Variants in BCAS1 observed in about 807,000 individuals in gnomAD.
BCAS1 encodes breast carcinoma-amplified sequence 1.
A neutral mutation model predicts 65.4 loss-of-function variants in BCAS1; 46 were observed. That is an observed-to-expected ratio of 0.70 (90% CI 0.55 to 0.90). BCAS1 has a LOEUF of 0.90. Among genes scored for constraint, BCAS1 ranks in the 40% least tolerant of loss-of-function variants. The pLI is 0.00. For synonymous variants in BCAS1, 298 were observed against 293.5 expected (o/e 1.02, Z -0.16); for missense variants, 793 against 771.2 (o/e 1.03, Z -0.33).
chr20:54,009,789 T>C (rs1370011668), intron 4 of BCAS1, among the ~76,000 whole-genome samples: 1 of 152,172 alleles, frequency 6.6e-6, no homozygotes, highest in Non-Finnish European at 1.5e-5. Flanking sequence ...AATACCCTAC[T>C]GATCAATATG....
At chr20:53,976,713 A>AT (rs999187850) in intron 8 of BCAS1, among the ~76,000 whole-genome samples, 2 of 152,160 alleles carry the variant, frequency 1.3e-5, no homozygotes, top group Admixed American at 6.5e-5. Context: ...TCAGAAACAC[A>AT]TTTTTTCGGC....
intron 6 of BCAS1, among the ~76,000 whole-genome samples, chr20:53,994,801 TTTTAA>T (rs1330906697): frequency 6.6e-6 from 1 of 152,108 alleles, no homozygotes; most frequent in Non-Finnish European, 1.5e-5. Context: ...TCCAGTAAAA[TTTTAA>T]TTTAACTACT....
At chr20:53,989,451 C>T (rs1027180098) in intron 7 of BCAS1, among the ~76,000 whole-genome samples, 8 of 152,192 alleles carry the variant, frequency 5.3e-5, no homozygotes, top group African/African-American at 1.2e-4. Flanking sequence ...GTCATGATTA[C>T]GTCCCCAATT....
intron 7 of BCAS1, among the ~76,000 whole-genome samples, chr20:53,988,329 C>A (rs764055037): frequency 6.6e-6 from 1 of 152,148 alleles, no homozygotes; most frequent in Non-Finnish European, 1.5e-5. Flanking sequence ...CCGTTTTCAC[C>A]GCTCAGCCAC....
At position 54,046,312 on chromosome 20, in the gene BCAS1, G is replaced by A. The variant is rs144099099; in HGVS notation, c.142+11773C>T. ...TGGGAGGCCAAGGTGGGTGGATCAC[G>A]AGGTCAGGAGTTTGAGACCAGCCTG... On this transcript the variant is annotated intron_variant, in intron 3 of 12. Coordinates refer to ENST00000688948, the MANE Select transcript of BCAS1 (RefSeq NM_001366298.2). 1.3e-4 allele frequency among the ~76,000 whole-genome samples: 20 copies of A among 150,906 alleles called. No homozygotes were observed. In the East Asian group the frequency reaches 3.4e-3, roughly 25 times the overall value.
rs140981633 is a variant in BCAS1 at position 53,993,245 on chromosome 20, C to T, written c.928-599G>A. 5.3e-5 allele frequency among the ~76,000 whole-genome samples: 8 copies of T among 152,246 alleles called. 1 individual carries two copies. Among genetic ancestry groups the T allele is most frequent in the South Asian group, 2.1e-4 (1 of 4,820 alleles). On this transcript the variant is annotated intron_variant, in intron 6 of 12. Transcript: ENST00000688948. ...AGGCAAAGTAGAGGGAGATCGAAAC[C>T]GAAATAGCCTGGCTACAACCACTCA...
At chr20:54,052,610 G>A (rs1032602079) in intron 3 of BCAS1, among the ~76,000 whole-genome samples, 7 of 152,224 alleles carry the variant, frequency 4.6e-5, no homozygotes, top group South Asian at 2.1e-4. Context: ...CTTTATAAAC[G>A]GACTTGAGGG....
At chr20:54,043,316 T>TGATGATGATGAC (rs1323354145) in intron 3 of BCAS1, among the ~76,000 whole-genome samples, 1 of 150,732 alleles carries the variant, frequency 6.6e-6, no homozygotes, top group Non-Finnish European at 1.5e-5. Flanking sequence ...ATGATGATGA[T>TGATGATGATGAC]GATGATGATG....
chr20:54,049,238 A>G (rs546672510), intron 3 of BCAS1, among the ~76,000 whole-genome samples: 4 of 152,330 alleles, frequency 2.6e-5, no homozygotes, highest in Admixed American at 2.6e-4. Context: ...AAATTAGTCT[A>G]TTCTTTTTAG....
At chr20:53,957,724 G>A (rs140602290) in intron 10 of BCAS1, among the ~76,000 whole-genome samples, 4 of 152,254 alleles carry the variant, frequency 2.6e-5, no homozygotes, top group African/African-American at 9.6e-5. Flanking sequence ...AACAACAAAA[G>A]TACTAAATCC....
intron 4 of BCAS1, among the ~76,000 whole-genome samples, chr20:54,002,759 G>A (rs2145898357): frequency 6.6e-6 from 1 of 152,298 alleles, no homozygotes; most frequent in Non-Finnish European, 1.5e-5. Context: ...AAGAATGAAT[G>A]TCAATGATCA....
intron 12 of BCAS1, among the ~76,000 whole-genome samples, chr20:53,947,566 C>A (rs780838229): frequency 6.6e-6 from 1 of 152,150 alleles, no homozygotes; most frequent in Non-Finnish European, 1.5e-5. Context: ...CCATCCCACC[C>A]GGTCCTCACT....
At chr20:53,985,529 CA>C in intron 7 of BCAS1, 30 bp from the exon 8 acceptor site, 1 of 1,598,992 alleles carries the variant, frequency 6.3e-7, no homozygotes, top group East Asian at 2.2e-5. Context: ...GGAGGGAAAA[CA>C]TTCAAAATGG....
intron 4 of BCAS1, among the ~76,000 whole-genome samples, chr20:54,009,218 A>G (rs1436320349): frequency 6.6e-6 from 1 of 152,250 alleles, no homozygotes; most frequent in African/African-American, 2.4e-5. Flanking sequence ...GAAATAGAAG[A>G]TATAAAAATA....
In BCAS1 at chr20:53,944,847, T is replaced by G; in HGVS notation, c.*75A>C. On this transcript the variant is annotated 3_prime_UTR_variant, in exon 13 of 13. Coordinates refer to ENST00000688948, the MANE Select transcript of BCAS1 (RefSeq NM_001366298.2). ...ATCAGAAGAATATATACATGGAGCG[T>G]GTTTGGGGAGGAGATGGAGTAAGGA... is the stretch of plus-strand genomic sequence containing the variant. The G allele has an allele frequency of 2.3e-6, 3 of 1,312,312 alleles. No homozygotes were observed. The highest frequency in any genetic ancestry group is 3.3e-6 in the Non-Finnish European group (3 of 905,282). 81.3% of individuals were successfully genotyped at this position (1,312,312 alleles called of 1,614,324 possible). A position where few individuals can be genotyped will look rare whatever the true frequency, so the allele number is the denominator to read the frequency against.
At chr20:54,027,727 T>C (rs2091704178) in intron 4 of BCAS1, among the ~76,000 whole-genome samples, 1 of 151,978 alleles carries the variant, frequency 6.6e-6, no homozygotes, top group Non-Finnish European at 1.5e-5. Flanking sequence ...AGCTTGCCTT[T>C]CTTCGCTCAG....
intron 4 of BCAS1, among the ~76,000 whole-genome samples, chr20:54,014,719 T>G (rs1231083485): frequency 6.6e-6 from 1 of 152,208 alleles, no homozygotes; most frequent in Non-Finnish European, 1.5e-5. Context: ...GTCAGAAATT[T>G]GAGCCCCATG....
At chr20:54,058,819 G>A (rs1353425412) in intron 1 of BCAS1, 96 bp from the exon 2 acceptor site, 1 of 1,386,338 alleles carries the variant, frequency 7.2e-7, no homozygotes, top group Non-Finnish European at 9.9e-7. Flanking sequence ...AGCCGCCCAT[G>A]GCTGTATTAT....
chr20:54,030,387 C>T (rs460076), intron 3 of BCAS1, among the ~76,000 whole-genome samples: 106,513 of 152,162 alleles, frequency 0.7, 37,838 homozygotes, highest in East Asian at 0.89. Context: ...TCTGGCACAA[C>T]GCCTTTTCCA....
Sources: allele counts gnomAD v4.1 joint callset (sites outside exome capture counted in the v4.1 genomes callset), GRCh38; gene constraint gnomAD v4.1.1; transcripts MANE v1.5; gene names NCBI Gene and HGNC (gene_info 2026-07-23, HGNC 2026-07-21).